Variants in GLIS1 observed in about 807,000 individuals in gnomAD.
GLIS1 encodes the protein zinc finger protein GLIS1.
GLIS1 carries 24 observed loss-of-function variants against 63.8 expected under a neutral mutation model. That is an observed-to-expected ratio of 0.38 (90% CI 0.27 to 0.53). The LOEUF (loss-of-function observed/expected upper bound fraction) is 0.53, where lower values mean the gene tolerates loss of function less well. Among genes scored for constraint, GLIS1 ranks in the 20% least tolerant of loss-of-function variants. GLIS1 has a pLI of 0.85. For synonymous variants in GLIS1, 450 were observed against 482.5 expected (o/e 0.93, Z 0.88); for missense variants, 1,036 against 1,074.1 (o/e 0.96, Z 0.50).
chr1:53,633,313 CTG>C (rs1015496846), intron 2 of GLIS1, among the ~76,000 whole-genome samples: 12 of 108,892 alleles, frequency 1.1e-4, no homozygotes, highest in African/African-American at 3.4e-4. Context: ...ATGAGTGTGA[CTG>C]GGGGGCGTGT....
chr1:53,525,010 C>T (rs1054347916), intron 5 of GLIS1, 123 bp from the exon 6 acceptor site: 10 of 697,820 alleles, frequency 1.4e-5, no homozygotes, highest in African/African-American at 1.4e-4. Flanking sequence ...GAGTACTCTG[C>T]CTCAGCCAGC....
chr1:53,607,958 CTTT>C (rs377462740), intron 2 of GLIS1, among the ~76,000 whole-genome samples: 8 of 128,592 alleles, frequency 6.2e-5, no homozygotes, highest in Admixed American at 1.6e-4. Flanking sequence ...TGATGTCTCT[CTTT>C]TTTTTTTTTT....
intron 2 of GLIS1, among the ~76,000 whole-genome samples, chr1:53,703,448 G>T (rs1646545008): frequency 6.6e-6 from 1 of 151,920 alleles, no homozygotes; most frequent in Non-Finnish European, 1.5e-5. Context: ...ACCAGCCTGG[G>T]CAATATAGCA....
chr1:53,544,608 C>T (rs558067606), intron 4 of GLIS1, among the ~76,000 whole-genome samples: 32 of 152,234 alleles, frequency 2.1e-4, no homozygotes, highest in Admixed American at 3.3e-4. Flanking sequence ...AGCATCTCGC[C>T]GACTGACCTC....
intron 2 of GLIS1, among the ~76,000 whole-genome samples, chr1:53,686,937 C>T (rs556995155): frequency 2.6e-5 from 4 of 152,282 alleles, no homozygotes; most frequent in Admixed American, 2.0e-4. Flanking sequence ...AACTGAACTT[C>T]CTGACAGTGT....
At chr1:53,611,935 G>A (rs188678726) in intron 2 of GLIS1, among the ~76,000 whole-genome samples, 1 of 152,288 alleles carries the variant, frequency 6.6e-6, no homozygotes, top group African/African-American at 2.4e-5. Flanking sequence ...CCAGGCTCAA[G>A]GGATCCTCCC....
At chr1:53,733,766 T>A (rs1378933853) in intron 2 of GLIS1, 1 of 257,500 alleles carries the variant, frequency 3.9e-6, no homozygotes, top group Non-Finnish European at 6.1e-6. Flanking sequence ...TTCTCCCCCT[T>A]ATTTGAAACT....
intron 4 of GLIS1, among the ~76,000 whole-genome samples, chr1:53,583,015 C>T (rs1054201467): frequency 3.3e-5 from 5 of 152,234 alleles, no homozygotes; most frequent in African/African-American, 1.2e-4. Flanking sequence ...GCAACTCAGC[C>T]TGATCAGAAA....
chr1:53,590,802 T>C (rs886567715), intron 4 of GLIS1, among the ~76,000 whole-genome samples: 17 of 125,532 alleles, frequency 1.4e-4, no homozygotes, highest in African/African-American at 5.7e-4. Context: ...GGGTGGGGGA[T>C]GGTGATGCCA....
intron 2 of GLIS1, among the ~76,000 whole-genome samples, chr1:53,720,331 G>C (rs1008166482): frequency 4.6e-5 from 7 of 152,184 alleles, no homozygotes; most frequent in African/African-American, 1.7e-4. Flanking sequence ...CCCTTAAGAA[G>C]AATGAAATCC....
At chr1:53,530,445 C>G (rs532935223) in intron 4 of GLIS1, among the ~76,000 whole-genome samples, 48 of 152,328 alleles carry the variant, frequency 3.2e-4, no homozygotes, top group African/African-American at 6.0e-4. Flanking sequence ...GTGGCCACCA[C>G]TCAAGGCTGA....
intron 4 of GLIS1, among the ~76,000 whole-genome samples, chr1:53,552,361 A>G (rs1413287264): frequency 6.6e-6 from 1 of 152,008 alleles, no homozygotes; most frequent in African/African-American, 2.4e-5. Flanking sequence ...AGCATGGCCC[A>G]GGTGGCAGGC....
At chr1:53,614,516 G>C (rs369732776) in intron 2 of GLIS1, among the ~76,000 whole-genome samples, 1 of 152,144 alleles carries the variant, frequency 6.6e-6, no homozygotes, top group African/African-American at 2.4e-5. Flanking sequence ...TGGGGGCTGC[G>C]GTGAGGATGC....
At chr1:53,578,871 C>G (rs1437669341) in intron 4 of GLIS1, among the ~76,000 whole-genome samples, 1 of 151,976 alleles carries the variant, frequency 6.6e-6, no homozygotes, top group Non-Finnish European at 1.5e-5. Flanking sequence ...CTCCACCTAC[C>G]CCTTTTCACA....
At position 53,594,453 on chromosome 1, in the gene GLIS1, C is replaced by T. The variant is rs562792631; in HGVS notation, c.975G>A (p.Ala325=). The T allele has an allele frequency of 1.9e-5, 31 of 1,612,946 alleles. No individual in the cohort carries two copies. In the East Asian group the frequency reaches 5.3e-4, roughly 28 times the overall value. ...RKASFLKQEP[A]DEFSELFGPH... ...GCCCAAAGAGCTCTGAAAACTCATC[C>T]GCGGGTTCCTGCTTCAGGAAGCTCG... The change falls in exon 4 of 11, where the codon GCG becomes GCA. Residue 325 remains alanine, a synonymous_variant. Transcript: ENST00000628545.
chr1:53,660,154 G>C (rs375114259), intron 2 of GLIS1, among the ~76,000 whole-genome samples: 2 of 152,126 alleles, frequency 1.3e-5, no homozygotes, highest in African/African-American at 4.8e-5. Context: ...CACCTCAATG[G>C]GGGAACATCC....
At chr1:53,513,906 G>T (rs1356935533) in intron 8 of GLIS1, among the ~76,000 whole-genome samples, 1 of 152,252 alleles carries the variant, frequency 6.6e-6, no homozygotes, top group African/African-American at 2.4e-5. Context: ...GGAGGAAGGT[G>T]CTGGGGCCAG....
chr1:53,655,723 T>A (rs549665558), intron 2 of GLIS1, among the ~76,000 whole-genome samples: 1 of 152,322 alleles, frequency 6.6e-6, no homozygotes, highest in South Asian at 2.1e-4. Context: ...ATTCATCTTA[T>A]TTCCCTTGCC....
At chr1:53,588,647 A>G (rs1450861412) in intron 4 of GLIS1, among the ~76,000 whole-genome samples, 1 of 152,196 alleles carries the variant, frequency 6.6e-6, no homozygotes, top group African/African-American at 2.4e-5. Context: ...AAAATGCTCA[A>G]GCCCACAGGG....
Sources: gnomAD v4.1 joint callset for allele counts (sites outside exome capture counted in the v4.1 genomes callset) on GRCh38, gnomAD v4.1.1 for gene constraint, MANE v1.5 for transcripts, NCBI Gene and HGNC (gene_info 2026-07-23, HGNC 2026-07-21) for gene names.